Variants in PRKD2 observed in about 807,000 individuals in gnomAD.
The protein encoded by PRKD2 is serine/threonine-protein kinase D2.
Under a neutral mutation model 86.0 loss-of-function variants are expected in PRKD2, and 22 were observed. The ratio of observed to expected loss-of-function variants is 0.26; its 90% CI spans 0.18 to 0.37. The LOEUF (loss-of-function observed/expected upper bound fraction) is 0.37, where lower values mean the gene tolerates loss of function less well. PRKD2 is among the 10% of genes least tolerant of loss of function. The probability of loss-of-function intolerance (pLI) is 1.00; values close to 1 mark genes in which losing one functional copy is unlikely to be tolerated. For synonymous variants in PRKD2, 509 were observed against 510.9 expected, an observed-to-expected ratio of 1.00 and a Z score of 0.05; for missense variants, 818 against 1,199.2, an observed-to-expected ratio of 0.68 and a Z score of 4.70.
intron 14 of PRKD2, among the ~76,000 whole-genome samples, chr19:46,686,950 C>CA (rs200555770): frequency 2.4e-4 from 34 of 142,546 alleles, no homozygotes; most frequent in Admixed American, 4.9e-4. Context: ...GACTCCGTCT[C>CA]AAAAAAAAAT....
chr19:46,684,775 C>T (rs751200634), intron 14 of PRKD2, among the ~76,000 whole-genome samples: 1 of 151,450 alleles, frequency 6.6e-6, no homozygotes, highest in African/African-American at 2.4e-5. Flanking sequence ...CCAGCCTGAT[C>T]GACATGGTGA....
intron 7 of PRKD2, among the ~76,000 whole-genome samples, chr19:46,700,412 G>A (rs1355463345): frequency 6.6e-6 from 1 of 151,348 alleles, no homozygotes; most frequent in African/African-American, 2.4e-5. Flanking sequence ...GATCACTTGA[G>A]CTCAGGAGTC....
rs1466090069 is a variant in PRKD2 at position 46,678,828 on chromosome 19, CCT to C, written c.2071-167_2071-166del. On this transcript the variant is annotated intron_variant, in intron 15 of 17. Transcript: ENST00000291281. The surrounding 1 kb of genome is among the most constrained non-coding windows in gnomAD (Gnocchi z 5.7). ...GCAACCCTGGGCAGGTGACTTCCCCCCTCTGTGCCTCAGTTTCCCCATCTATA... is the reference window on the plus strand; with the variant it reads ...GCAACCCTGGGCAGGTGACTTCCCCCCTGTGCCTCAGTTTCCCCATCTATA... 1.3e-5 allele frequency among the ~76,000 whole-genome samples: 2 copies of C among 152,268 alleles called. No individual in the cohort carries two copies. Among genetic ancestry groups the C allele is most frequent in the South Asian group, 2.1e-4 (1 of 4,830 alleles).
intron 3 of PRKD2, among the ~76,000 whole-genome samples, chr19:46,709,983 C>G (rs1205229798): frequency 3.3e-5 from 5 of 151,656 alleles, no homozygotes; most frequent in Non-Finnish European, 7.4e-5. Context: ...CTGCAACCTC[C>G]TCCTCTCAGG....
chr19:46,710,095 C>T (rs945765355), intron 3 of PRKD2, among the ~76,000 whole-genome samples: 1 of 151,834 alleles, frequency 6.6e-6, no homozygotes, highest in African/African-American at 2.4e-5. Flanking sequence ...GACGGGGTTT[C>T]ACCATGTTAG....
rs1242933987 is a variant in PRKD2, at chr19:46,693,001, G to A, written c.1576+874C>T. Among the ~76,000 whole-genome samples the A allele has an allele frequency of 5.9e-5, 9 of 152,138 alleles. No homozygotes were observed. The highest frequency in any genetic ancestry group is 5.9e-4 in the Admixed American group (9 of 15,262). Reference sequence around the variant, plus strand: ...CTGGATTATAAGCTCCAGAGGGTGGGAACCTGGTACTCTCTCAACATTTTT... The same window carrying A: ...CTGGATTATAAGCTCCAGAGGGTGGAAACCTGGTACTCTCTCAACATTTTT... On this transcript the variant is annotated intron_variant, in intron 10 of 17. Transcript: ENST00000291281. This position sits in a 1 kb window ranked among gnomAD's most constrained non-coding sequence, Gnocchi z 4.5.
intron 15 of PRKD2, among the ~76,000 whole-genome samples, chr19:46,680,454 A>C (rs1402207689): frequency 4.0e-5 from 6 of 151,524 alleles, no homozygotes; most frequent in Non-Finnish European, 5.9e-5. Flanking sequence ...ATGCCCAGCT[A>C]ATTTTTGTAT....
chr19:46,704,108 C>T, intron 5 of PRKD2, 61 bp downstream of exon 5: 1 of 1,601,464 alleles, frequency 6.2e-7, no homozygotes. Context: ...TGCCACAAGA[C>T]CAGGTTGGGG....
chr19:46,712,386 C>A (rs556159799), intron 2 of PRKD2, among the ~76,000 whole-genome samples: 1 of 151,666 alleles, frequency 6.6e-6, no homozygotes, highest in Admixed American at 6.6e-5. Flanking sequence ...ACTAAAAATA[C>A]AAAAATTAGC....
At chr19:46,690,543 T>G (rs2053468565) in intron 13 of PRKD2, 57 bp downstream of exon 13, 1 of 1,544,650 alleles carries the variant, frequency 6.5e-7, no homozygotes, top group African/African-American at 1.4e-5. Flanking sequence ...ACCCCTACAC[T>G]GGGTCAGCTG....
intron 2 of PRKD2, among the ~76,000 whole-genome samples, chr19:46,711,975 G>A (rs1960540993): frequency 6.6e-6 from 1 of 151,822 alleles, no homozygotes; most frequent in Non-Finnish European, 1.5e-5. Context: ...GGCTGAGGCA[G>A]GAGAATTGCT....
At chr19:46,711,133 G>T in intron 2 of PRKD2, 95 bp from the exon 3 acceptor site, 29 of 1,448,658 alleles carry the variant, frequency 2.0e-5, no homozygotes, top group Non-Finnish European at 2.7e-5. Flanking sequence ...GCTCCCAGCC[G>T]CAAGGTGTGA....
At chr19:46,699,375 G>A (rs973967601) in intron 7 of PRKD2, among the ~76,000 whole-genome samples, 1 of 152,192 alleles carries the variant, frequency 6.6e-6, no homozygotes, top group South Asian at 2.1e-4. Flanking sequence ...TCCCCACTGA[G>A]GCAGTCAGCT....
At chr19:46,708,977 T>TG (rs1555831828) in intron 3 of PRKD2, among the ~76,000 whole-genome samples, 1 of 95,038 alleles carries the variant, frequency 1.1e-5, no homozygotes, top group Admixed American at 1.1e-4. Flanking sequence ...TTGTGGTTTT[T>TG]TTTTTTTTTT....
chr19:46,691,388 T>C (rs1395267252), intron 12 of PRKD2, among the ~76,000 whole-genome samples: 2 of 152,062 alleles, frequency 1.3e-5, no homozygotes, highest in East Asian at 3.8e-4. Flanking sequence ...GTGGCCAATA[T>C]GAATGCAGAA....
chr19:46,708,993 T>TTGAGACGGAGTC (rs2053762083), intron 3 of PRKD2, among the ~76,000 whole-genome samples: 1 of 150,894 alleles, frequency 6.6e-6, no homozygotes, highest in Admixed American at 6.6e-5. Context: ...TTTTTTTTTT[T>TTGAGACGGAGTC]TTGAGACGGA....
intron 5 of PRKD2, among the ~76,000 whole-genome samples, chr19:46,702,541 T>C (rs2053651373): frequency 6.6e-6 from 1 of 152,190 alleles, no homozygotes; most frequent in African/African-American, 2.4e-5. Context: ...GGTTCTAGGA[T>C]TCTATACATA....
In PRKD2 at chr19:46,700,785, G is replaced by A. The variant is rs1349240173; in HGVS notation, c.1121+14C>T. On this transcript the variant is annotated intron_variant, in intron 7 of 17. Transcript: ENST00000291281. ...GGTCTTCCCCCAGGGTCTCTTGGAGGGTTCTGTGTATACCTCTGGGCCTTG... is the reference window on the plus strand; with the variant it reads ...GGTCTTCCCCCAGGGTCTCTTGGAGAGTTCTGTGTATACCTCTGGGCCTTG... 6.2e-7 allele frequency: 1 copy of A among 1,603,390 alleles called. No individual in the cohort carries two copies. Among genetic ancestry groups the A allele is most frequent in the Non-Finnish European group, 8.5e-7 (1 of 1,171,018 alleles).
At chr19:46,699,362 G>A (rs1460413950) in intron 7 of PRKD2, among the ~76,000 whole-genome samples, 2 of 152,168 alleles carry the variant, frequency 1.3e-5, no homozygotes, top group Non-Finnish European at 2.9e-5. Context: ...TTTATTAGCT[G>A]TCTCCCCACT....
Sources: allele counts gnomAD v4.1 joint callset (sites outside exome capture counted in the v4.1 genomes callset), GRCh38; gene constraint gnomAD v4.1.1; non-coding constraint Gnocchi (gnomAD v3.1); transcripts MANE v1.5; gene names NCBI Gene and HGNC (gene_info 2026-07-23, HGNC 2026-07-21).